PSPC1: variants seen among roughly 807,000 people sequenced by gnomAD.
PSPC1 encodes the protein paraspeckle protein 1.
A neutral mutation model predicts 51.6 loss-of-function variants in PSPC1; 14 were observed. That is an observed-to-expected ratio of 0.27 (90% CI 0.18 to 0.42). The LOEUF (loss-of-function observed/expected upper bound fraction) is 0.42. Among genes scored for constraint, PSPC1 ranks in the 10% least tolerant of loss-of-function variants. The pLI is 1.00. For missense variants in PSPC1, 406 were observed against 701.1 expected, an observed-to-expected ratio of 0.58 and a Z score of 4.75; for synonymous variants, 193 against 231.9, an observed-to-expected ratio of 0.83 and a Z score of 1.53.
At chr13:19,716,833 AAAG>A (rs1174112972) in intron 6 of PSPC1, among the ~76,000 whole-genome samples, 2 of 152,180 alleles carry the variant, frequency 1.3e-5, no homozygotes, top group Non-Finnish European at 2.9e-5. Context: ...TTCCTTCACT[AAAG>A]AAGGTTACAT....
chr13:19,732,748 AAAAC>A (rs1884273692), intron 5 of PSPC1, among the ~76,000 whole-genome samples: 1 of 151,974 alleles, frequency 6.6e-6, no homozygotes, highest in Admixed American at 6.6e-5. Context: ...GCAACATGGT[AAAAC>A]CCTGTCTCTA....
chr13:19,714,613 GC>G (rs35231784), intron 6 of PSPC1, among the ~76,000 whole-genome samples: 94,804 of 151,290 alleles, frequency 0.63, 33,070 homozygotes, highest in East Asian at 0.89. Context: ...TCCTGCCTCA[GC>G]CTCAAGGGTA....
chr13:19,717,893 T>C (rs1272187580), intron 6 of PSPC1, among the ~76,000 whole-genome samples: 2 of 149,106 alleles, frequency 1.3e-5, no homozygotes, highest in Non-Finnish European at 3.0e-5. Flanking sequence ...AAAAAGTAAA[T>C]AAGGGTCAGG....
At chr13:19,734,504 T>C (rs1433707254) in intron 5 of PSPC1, among the ~76,000 whole-genome samples, 7 of 152,016 alleles carry the variant, frequency 4.6e-5, no homozygotes, top group Non-Finnish European at 7.4e-5. Context: ...CTAAATGACT[T>C]AAGAAAGGAA....
intron 6 of PSPC1, among the ~76,000 whole-genome samples, chr13:19,683,598 G>C (rs1877524814): frequency 6.6e-6 from 1 of 151,998 alleles, no homozygotes; most frequent in African/African-American, 2.4e-5. Context: ...TAACTGACAG[G>C]GTAACCCTAA....
intron 6 of PSPC1, among the ~76,000 whole-genome samples, 168 bp from the exon 7 acceptor site, chr13:19,709,767 C>T (rs1881163073): frequency 6.6e-6 from 1 of 152,040 alleles, no homozygotes; most frequent in African/African-American, 2.4e-5. Context: ...AAACTTCAGT[C>T]TCCCAGGCTT....
intron 8 of PSPC1, among the ~76,000 whole-genome samples, chr13:19,705,090 T>C (rs1273282734): frequency 3.9e-5 from 6 of 152,210 alleles, no homozygotes; most frequent in South Asian, 2.1e-4. Context: ...TGGTAAAAGA[T>C]GGAAACAAAT....
intron 2 of PSPC1, among the ~76,000 whole-genome samples, chr13:19,769,935 G>C (rs916337206): frequency 6.6e-6 from 1 of 152,062 alleles, no homozygotes; most frequent in African/African-American, 2.4e-5. Flanking sequence ...ATTTACCTAA[G>C]CCACATGAAA....
rs186797213 is a variant in PSPC1, at chr13:19,726,947, C to G, written c.1158+3292G>C. Among the ~76,000 whole-genome samples, 53 of 152,264 alleles carry G rather than the reference C, an allele frequency of 3.5e-4. 1 individual carries two copies. Among genetic ancestry groups the G allele is most frequent in the African/African-American group, 1.1e-3 (46 of 41,546 alleles). ...TGTTGAATAAACTGTGTTGAAACAC[C>G]TAGGGCTATTCCCAACTACTCAAAT... is the stretch of plus-strand genomic sequence containing the variant. On this transcript the variant is annotated intron_variant, in intron 6 of 8. Coordinates refer to ENST00000338910, the MANE Select transcript of PSPC1 (RefSeq NM_001354909.2).
At chr13:19,692,876 A>G (rs1292031954) in intron 6 of PSPC1, among the ~76,000 whole-genome samples, 2 of 152,166 alleles carry the variant, frequency 1.3e-5, no homozygotes, top group African/African-American at 2.4e-5. Context: ...TTCAAATTCA[A>G]TGTAGGGAGG....
chr13:19,730,059 T>TGC (rs1324798471), intron 6 of PSPC1, among the ~76,000 whole-genome samples, 180 bp downstream of exon 6: 9 of 152,154 alleles, frequency 5.9e-5, no homozygotes, highest in Non-Finnish European at 1.2e-4. Context: ...ATAGATATCT[T>TGC]CAGAAACTAA....
intron 4 of PSPC1, among the ~76,000 whole-genome samples, chr13:19,746,155 G>C (rs1160095866): frequency 6.6e-6 from 1 of 151,684 alleles, no homozygotes; most frequent in Non-Finnish European, 1.5e-5. Flanking sequence ...TATAATCCTA[G>C]CACTTTGGGA....
At chr13:19,673,397 A>T (rs140084511), downstream of PSPC1, 597 of 246,300 alleles carry the variant, frequency 2.4e-3, 6 homozygotes, top group African/African-American at 0.012. Flanking sequence ...TTACATCCTA[A>T]AACTGCCTTT....
At chr13:19,780,533 A>C (rs1187329792) in intron 1 of PSPC1, among the ~76,000 whole-genome samples, 61 of 83,914 alleles carry the variant, frequency 7.3e-4, no homozygotes, top group Non-Finnish European at 1.1e-3. Flanking sequence ...GCTCTCTGAA[A>C]CATGTGCTGT....
chr13:19,726,080 C>T, intron 6 of PSPC1, among the ~76,000 whole-genome samples: 1 of 152,086 alleles, frequency 6.6e-6, no homozygotes. Context: ...CACTTAAGCC[C>T]AGGAGTTTGA....
intron 6 of PSPC1, among the ~76,000 whole-genome samples, chr13:19,729,703 C>T (rs904127370): frequency 6.6e-6 from 1 of 151,164 alleles, no homozygotes; most frequent in Admixed American, 6.6e-5. Flanking sequence ...AAGAGCTGAC[C>T]ATTTTTAAAA....
chr13:19,706,410 T>TAAAAA (rs1880671913), intron 7 of PSPC1, among the ~76,000 whole-genome samples: 1 of 152,020 alleles, frequency 6.6e-6, no homozygotes, highest in South Asian at 2.1e-4. Flanking sequence ...CTTTTTATTT[T>TAAAAA]GAAATATGGA....
chr13:19,782,410 G>A lies in PSPC1; in HGVS notation c.348C>T (p.Asp116=), dbSNP rs1208385505. ...CCAAGCGGATGAAGCCGAAGCCACG[G>A]TCCCGGTTGATGAAGACTTCGCTGG... The part of the protein sequence containing the change: ...GEPSEVFINR[D]RGFGFIRLES... The change falls in exon 1 of 9, where the codon GAC becomes GAT. Residue 116 remains aspartate, a synonymous_variant. Coordinates refer to ENST00000338910, the MANE Select transcript of PSPC1 (RefSeq NM_001354909.2). This position sits in a 1 kb window ranked among gnomAD's most constrained non-coding sequence, Gnocchi z 4.5. The A allele has an allele frequency of 1.3e-6, 2 of 1,599,822 alleles. No individual in the cohort carries two copies. The highest frequency in any genetic ancestry group is 1.7e-6 in the Non-Finnish European group (2 of 1,173,014).
At chr13:19,691,100 T>G (rs1330957502) in intron 6 of PSPC1, among the ~76,000 whole-genome samples, 1 of 152,222 alleles carries the variant, frequency 6.6e-6, no homozygotes, top group African/African-American at 2.4e-5. Context: ...TCCAAACACT[T>G]TAATTGGTAC....
Sources: allele counts gnomAD v4.1 joint callset (sites outside exome capture counted in the v4.1 genomes callset), GRCh38; gene constraint gnomAD v4.1.1; non-coding constraint Gnocchi (gnomAD v3.1); transcripts MANE v1.5; gene names NCBI Gene and HGNC (gene_info 2026-07-23, HGNC 2026-07-21).